The following PHF24 variants were observed in gnomAD, a reference collection of about 807,000 sequenced individuals.
PHF24 encodes the protein PHD finger protein 24.
PHF24 carries 25 observed loss-of-function variants against 42.6 expected under a neutral mutation model. That is an observed-to-expected ratio of 0.59 (90% CI 0.43 to 0.82). PHF24 has a LOEUF of 0.82. Ranked by LOEUF, PHF24 falls within the 40% of genes least tolerant of loss-of-function variation. PHF24 has a pLI of 0.00. For missense variants in PHF24, 470 were observed against 538.1 expected (o/e 0.87, Z 1.25); for synonymous variants, 185 against 204.8 (o/e 0.90, Z 0.83).
the PHF24 span, among the ~76,000 whole-genome samples, chr9:34,747,631 T>A: frequency 2.6e-5 from 4 of 152,100 alleles, no homozygotes; most frequent in Admixed American, 6.5e-5. Flanking sequence ...ATATGAAATT[T>A]AAAAAATTGA....
chr9:34,912,206 G>A, the PHF24 span, among the ~76,000 whole-genome samples: 180 of 152,232 alleles, frequency 1.2e-3, no homozygotes, highest in African/African-American at 4.3e-3. Flanking sequence ...GGAACTGGGG[G>A]AAAAAATGCC....
chr9:34,905,061 A>G, the PHF24 span, among the ~76,000 whole-genome samples: 1 of 152,158 alleles, frequency 6.6e-6, no homozygotes, highest in Non-Finnish European at 1.5e-5. Context: ...TTAGTAAATT[A>G]GCATTCTGAT....
At chr9:34,764,678 T>C in the PHF24 span, among the ~76,000 whole-genome samples, 3 of 151,924 alleles carry the variant, frequency 2.0e-5, no homozygotes, top group Admixed American at 6.6e-5. Context: ...TTTTGAAGGG[T>C]TTTTTGTGTC....
chr9:34,834,082 C>T, the PHF24 span: 1 of 1,524,664 alleles, frequency 6.6e-7, no homozygotes, highest in East Asian at 2.5e-5. Context: ...GGGCCGTTGG[C>T]ATCCAGGGCA....
chr9:34,800,875 A>G, the PHF24 span, among the ~76,000 whole-genome samples: 1 of 152,224 alleles, frequency 6.6e-6, no homozygotes, highest in Non-Finnish European at 1.5e-5. Flanking sequence ...ATCAGAGTGA[A>G]AAGGCAACCT....
chr9:34,937,054 G>GCCCCGTCCGGGAGGTGGGGGGGTCAGCCC, the PHF24 span, among the ~76,000 whole-genome samples: 4 of 140,816 alleles, frequency 2.8e-5, no homozygotes, highest in Non-Finnish European at 6.2e-5. Context: ...CGGGCCAGCC[G>GCCCCGTCCGGGAGGTGGGGGGGTCAGCCC]CCCCGTCCGG....
the PHF24 span, among the ~76,000 whole-genome samples, chr9:34,938,309 T>A: frequency 6.6e-6 from 1 of 152,214 alleles, no homozygotes; most frequent in Non-Finnish European, 1.5e-5. Flanking sequence ...CTTCCCTTGT[T>A]ACCTCAAGAA....
chr9:34,840,318 T>C, the PHF24 span, among the ~76,000 whole-genome samples: 16 of 152,236 alleles, frequency 1.1e-4, no homozygotes, highest in Non-Finnish European at 1.9e-4. Flanking sequence ...CTTTCCAGAC[T>C]AGTCTAGCAT....
At chr9:34,978,768 T>G (rs1305569489) in exon 8 of PHF24, 1 of 152,218 alleles carries the variant, frequency 6.6e-6, no homozygotes, top group African/African-American at 2.4e-5. Flanking sequence ...TAAATTCCAA[T>G]TCCTGGTGAC....
chr9:34,972,187 G>A (rs1195551516), intron 2 of PHF24, among the ~76,000 whole-genome samples, 159 bp from the exon 3 acceptor site: 8 of 152,178 alleles, frequency 5.3e-5, no homozygotes, highest in South Asian at 2.1e-4. Context: ...GGTTCTTGTC[G>A]TCCAGAAAGA....
At chr9:34,666,809 G>A in the PHF24 span, among the ~76,000 whole-genome samples, 1 of 152,272 alleles carries the variant, frequency 6.6e-6, no homozygotes, top group East Asian at 1.9e-4. Context: ...AGCCGGGCGT[G>A]GTGGCAGGCG....
chr9:34,885,351 G>A, the PHF24 span, among the ~76,000 whole-genome samples: 1 of 152,200 alleles, frequency 6.6e-6, no homozygotes, highest in Non-Finnish European at 1.5e-5. Context: ...CTGAGGTCCT[G>A]TCCGAGGAAG....
upstream of PHF24, among the ~76,000 whole-genome samples, chr9:34,957,362 T>A (rs1325205739): frequency 6.6e-6 from 1 of 152,232 alleles, no homozygotes; most frequent in African/African-American, 2.4e-5. Flanking sequence ...ATTAAAGGGC[T>A]CTCGACATAT....
chr9:34,835,640 C>T, the PHF24 span: 4 of 1,551,438 alleles, frequency 2.6e-6, no homozygotes, highest in Non-Finnish European at 3.5e-6. Context: ...CTTGAAGAAG[C>T]TATGGTGTTT....
chr9:34,885,836 C>T, the PHF24 span, among the ~76,000 whole-genome samples: 4 of 151,840 alleles, frequency 2.6e-5, 1 homozygote, highest in African/African-American at 9.7e-5. Context: ...CCCTGCCCAC[C>T]TACACTCTCA....
chr9:34,844,258 T>A, the PHF24 span, among the ~76,000 whole-genome samples: 4 of 152,072 alleles, frequency 2.6e-5, no homozygotes, highest in African/African-American at 9.6e-5. Context: ...TTTGTTCATA[T>A]TTTTTGTTGT....
chr9:34,884,892 T>C, the PHF24 span, among the ~76,000 whole-genome samples: 1 of 152,232 alleles, frequency 6.6e-6, no homozygotes, highest in Non-Finnish European at 1.5e-5. Context: ...GCAATCATGG[T>C]GGCCAGTTGC....
At chr9:34,674,049 T>C in the PHF24 span, among the ~76,000 whole-genome samples, 186 of 152,344 alleles carry the variant, frequency 1.2e-3, no homozygotes, top group African/African-American at 4.3e-3. Flanking sequence ...AGCCACTGCA[T>C]CTGGCCTCAT....
chr9:34,936,195 A>G, the PHF24 span, among the ~76,000 whole-genome samples: 1 of 152,046 alleles, frequency 6.6e-6, no homozygotes, highest in African/African-American at 2.4e-5. Context: ...CAGCCTGCCG[A>G]GTGCCTGCCA....
Sources: allele counts gnomAD v4.1 joint callset (sites outside exome capture counted in the v4.1 genomes callset), GRCh38; gene constraint gnomAD v4.1.1; transcripts MANE v1.5; gene names NCBI Gene and HGNC (gene_info 2026-07-23, HGNC 2026-07-21).